ZNF704: variants seen among roughly 807,000 people sequenced by gnomAD.
ZNF704 encodes zinc finger protein 704, also known as glucocorticoid induced gene 1.
Under a neutral mutation model 44.7 loss-of-function variants are expected in ZNF704, and 10 were observed. The ratio of observed to expected loss-of-function variants is 0.22; its 90% CI spans 0.14 to 0.38. The LOEUF (loss-of-function observed/expected upper bound fraction) is 0.38. ZNF704 is among the 10% of genes least tolerant of loss of function. The pLI, the probability that ZNF704 is intolerant of heterozygous loss-of-function variation, is 1.00. For missense variants in ZNF704, 390 were observed against 545.5 expected, an observed-to-expected ratio of 0.71 and a Z score of 2.84; for synonymous variants, 211 against 207.6, an observed-to-expected ratio of 1.02 and a Z score of -0.14.
In ZNF704 at chr8:80,856,433, C is replaced by A. The variant is rs148060664; in HGVS notation, c.-22+18138G>T. Among the ~76,000 whole-genome samples, 1,105 of 152,148 alleles carry A rather than the reference C, an allele frequency of 7.3e-3. 8 individuals are homozygous for A. The highest frequency in any genetic ancestry group is 0.037 in the Middle Eastern group (11 of 294). On this transcript the variant is annotated intron_variant, in intron 1 of 8. Coordinates refer to ENST00000327835, the MANE Select transcript of ZNF704 (RefSeq NM_001033723.3). ...ATTAATTTAATTTTATTAAATTAAT[C>A]CTTGCCTATCCCAAAGTTACAAAGA...
intron 2 of ZNF704, among the ~76,000 whole-genome samples, chr8:80,728,208 C>G (rs1806517593): frequency 6.6e-6 from 1 of 152,140 alleles, no homozygotes; most frequent in South Asian, 2.1e-4. Context: ...CACCTCCACA[C>G]ATATACACAC....
At chr8:80,819,578 C>A (rs1360600010) in intron 2 of ZNF704, among the ~76,000 whole-genome samples, 1 of 150,716 alleles carries the variant, frequency 6.6e-6, no homozygotes, top group Non-Finnish European at 1.5e-5. Context: ...CAGTTCTTCA[C>A]ATTTCAAATT....
At chr8:80,860,833 C>T (rs541769583) in intron 1 of ZNF704, among the ~76,000 whole-genome samples, 19 of 152,314 alleles carry the variant, frequency 1.2e-4, no homozygotes, top group African/African-American at 4.3e-4. Context: ...CCAATCCATA[C>T]CCCAATGATT....
At chr8:80,803,983 G>A (rs1444411286) in intron 2 of ZNF704, among the ~76,000 whole-genome samples, 2 of 151,484 alleles carry the variant, frequency 1.3e-5, no homozygotes, top group Non-Finnish European at 3.0e-5. Context: ...AGTAAATTTA[G>A]AAGAAACAAA....
chr8:80,731,646 T>A (rs868452968), intron 2 of ZNF704, among the ~76,000 whole-genome samples: 3 of 152,114 alleles, frequency 2.0e-5, no homozygotes, highest in African/African-American at 7.2e-5. Flanking sequence ...GTGCCTATAG[T>A]CCCAGCTACT....
At chr8:80,643,885 CAAT>C (rs982409628) in intron 7 of ZNF704, among the ~76,000 whole-genome samples, 1 of 152,132 alleles carries the variant, frequency 6.6e-6, no homozygotes, top group African/African-American at 2.4e-5. Context: ...TAGTAAGCGA[CAAT>C]GACACAGTGC....
chr8:80,699,767 C>T (rs868636151), intron 2 of ZNF704, among the ~76,000 whole-genome samples: 7 of 152,130 alleles, frequency 4.6e-5, no homozygotes. Flanking sequence ...TTTGAAAAGA[C>T]TCCCTCCTGT....
At chr8:80,772,850 T>C (rs1173231404) in intron 2 of ZNF704, among the ~76,000 whole-genome samples, 2 of 152,216 alleles carry the variant, frequency 1.3e-5, no homozygotes, top group African/African-American at 4.8e-5. Context: ...GTTCTCAAGG[T>C]GAAAGCTTTG....
chr8:80,839,967 T>C (rs1808648741), intron 1 of ZNF704, among the ~76,000 whole-genome samples: 2 of 152,206 alleles, frequency 1.3e-5, no homozygotes, highest in South Asian at 4.1e-4. Context: ...TAACCATCTC[T>C]CTCCCCTAGT....
rs373065256 is a variant in ZNF704 at position 80,682,644 on chromosome 8, G to C, written c.558+4582C>G. On this transcript the variant is annotated intron_variant, in intron 4 of 8. Transcript: ENST00000327835. ...GCATTGGCACGGTCAGTGTGGGTCA[G>C]GGTGGAGGGTGGAGGCAAGCACCCC... Among the ~76,000 whole-genome samples, 1,309 of 152,300 alleles carry C rather than the reference G, an allele frequency of 8.6e-3. 20 individuals are homozygous for C. The highest frequency in any genetic ancestry group is 0.028 in the African/African-American group (1,184 of 41,564).
chr8:80,875,695 A>G (rs549144811), upstream of ZNF704, among the ~76,000 whole-genome samples: 1 of 152,338 alleles, frequency 6.6e-6, no homozygotes, highest in African/African-American at 2.4e-5. Flanking sequence ...ATACCCTGGT[A>G]GGCACCTCCG....
chr8:80,735,347 C>T (rs150462497), intron 2 of ZNF704, among the ~76,000 whole-genome samples: 87 of 152,306 alleles, frequency 5.7e-4, no homozygotes, highest in African/African-American at 2.0e-3. Flanking sequence ...CACATCTTTT[C>T]TGTCCAAACT....
intron 2 of ZNF704, among the ~76,000 whole-genome samples, chr8:80,807,760 ATC>A (rs1361129352): frequency 3.3e-5 from 5 of 152,304 alleles, no homozygotes; most frequent in Admixed American, 2.6e-4. Flanking sequence ...CCTTTTTATA[ATC>A]TGTTACTGCA....
At chr8:80,654,253 G>A (rs1055375760) in intron 7 of ZNF704, among the ~76,000 whole-genome samples, 30 of 152,256 alleles carry the variant, frequency 2.0e-4, no homozygotes, top group Admixed American at 4.6e-4. Context: ...GAAAACCTAG[G>A]CAGTACCATT....
intron 1 of ZNF704, among the ~76,000 whole-genome samples, chr8:80,849,385 C>T (rs573951113): frequency 6.6e-5 from 10 of 152,276 alleles, no homozygotes; most frequent in African/African-American, 1.7e-4. Context: ...TACCTTTCCC[C>T]ACCCTCCTCA....
upstream of ZNF704, among the ~76,000 whole-genome samples, chr8:80,877,468 G>T (rs1039801528): frequency 6.6e-6 from 1 of 152,180 alleles, no homozygotes; most frequent in Non-Finnish European, 1.5e-5. Context: ...CATGACATGG[G>T]CTCAGAAGTC....
At chr8:80,688,033 C>T (rs1258003162) in intron 3 of ZNF704, among the ~76,000 whole-genome samples, 4 of 152,098 alleles carry the variant, frequency 2.6e-5, no homozygotes, top group African/African-American at 9.7e-5. Context: ...TAGTGAGACC[C>T]TGTCTGTACA....
intron 1 of ZNF704, among the ~76,000 whole-genome samples, chr8:80,848,679 T>C (rs1358148309): frequency 2.0e-5 from 3 of 151,786 alleles, no homozygotes; most frequent in Admixed American, 1.3e-4. Context: ...ACCCCATCTT[T>C]ACAAAAAATC....
At position 80,629,760 on chromosome 8, in the gene ZNF704, AT is replaced by A. The variant is rs900982937; in HGVS notation, c.*11605del. Reference sequence around the variant, plus strand: ...CTATAACTGATACCCCTTGAAGAATATTTTTTTCTGGGATTGAGAATTAAAC... The same window carrying A: ...CTATAACTGATACCCCTTGAAGAATATTTTTTCTGGGATTGAGAATTAAAC... On this transcript the variant is annotated 3_prime_UTR_variant, in exon 9 of 9. Transcript: ENST00000327835. The A allele has an allele frequency of 5.9e-5, 9 of 152,288 alleles. No homozygotes were observed. Among genetic ancestry groups the A allele is most frequent in the Non-Finnish European group, 1.2e-4 (8 of 68,016 alleles). The allele number at this position is 152,288 out of a possible 1,614,324, so 9.4% of individuals were successfully genotyped here.
Sources: gnomAD v4.1 joint callset for allele counts (sites outside exome capture counted in the v4.1 genomes callset) on GRCh38, gnomAD v4.1.1 for gene constraint, MANE v1.5 for transcripts, NCBI Gene and HGNC (gene_info 2026-07-23, HGNC 2026-07-21) for gene names.